Variants in FER observed in about 807,000 individuals in gnomAD.
FER encodes the protein tyrosine-protein kinase Fer.
Under a neutral mutation model 111.0 loss-of-function variants are expected in FER, and 63 were observed. That is an observed-to-expected ratio of 0.57 (90% CI 0.46 to 0.70). The LOEUF (loss-of-function observed/expected upper bound fraction) is 0.70. FER is among the 30% of genes least tolerant of loss of function. FER has a pLI of 0.00. For synonymous variants in FER, 327 were observed against 313.9 expected, an observed-to-expected ratio of 1.04 and a Z score of -0.44; for missense variants, 914 against 954.0, an observed-to-expected ratio of 0.96 and a Z score of 0.55.
At chr5:108,856,583 T>A (rs1285886558) in intron 5 of FER, among the ~76,000 whole-genome samples, 1 of 152,146 alleles carries the variant, frequency 6.6e-6, no homozygotes, top group Non-Finnish European at 1.5e-5. Flanking sequence ...GACTATTTGG[T>A]CAGCTTTCAT....
chr5:109,066,076 T>G (rs1243170908), intron 16 of FER, among the ~76,000 whole-genome samples: 1 of 152,204 alleles, frequency 6.6e-6, no homozygotes, highest in Non-Finnish European at 1.5e-5. Context: ...AGATTACATA[T>G]ATTAAATATT....
intron 17 of FER, among the ~76,000 whole-genome samples, chr5:109,129,663 G>A (rs970284065): frequency 6.6e-5 from 10 of 151,948 alleles, no homozygotes; most frequent in Admixed American, 1.3e-4. Flanking sequence ...CAAAGAACAC[G>A]AACAGTAAGT....
chr5:108,851,084 G>A (rs1762500335), intron 5 of FER, among the ~76,000 whole-genome samples: 1 of 152,070 alleles, frequency 6.6e-6, no homozygotes, highest in South Asian at 2.1e-4. Flanking sequence ...GATATTTTGG[G>A]CTCACCATTT....
intron 1 of FER, among the ~76,000 whole-genome samples, chr5:108,749,148 C>T (rs770712221): frequency 1.8e-4 from 27 of 152,038 alleles, no homozygotes; most frequent in Non-Finnish European, 2.8e-4. Flanking sequence ...GGGGCTGTGC[C>T]GAGGCTCTTC....
chr5:109,092,822 G>T (rs556421188), intron 16 of FER, among the ~76,000 whole-genome samples: 1 of 152,142 alleles, frequency 6.6e-6, no homozygotes, highest in Non-Finnish European at 1.5e-5. Flanking sequence ...GTTCATTTCG[G>T]TGTGATTCAC....
chr5:109,090,334 C>G (rs993567702), intron 16 of FER, among the ~76,000 whole-genome samples: 1 of 152,144 alleles, frequency 6.6e-6, no homozygotes, highest in Non-Finnish European at 1.5e-5. Context: ...AAATATCTAG[C>G]TGGACTAAAT....
rs534029826 is a variant in FER, at chr5:109,118,217, C to G, written c.2048+17698C>G. Among the ~76,000 whole-genome samples the G allele has an allele frequency of 4.7e-4, 72 of 152,092 alleles. 1 individual carries two copies. The highest frequency in any genetic ancestry group is 3.1e-3 in the East Asian group (16 of 5,164). On this transcript the variant is annotated intron_variant, in intron 17 of 19. Coordinates refer to ENST00000281092, the MANE Select transcript of FER (RefSeq NM_005246.4). ...TTCATTGAGAGTTTTTAGCATGAAG[C>G]GTTGTTGAATTTTGTCAAAGGCCTT... is the stretch of plus-strand genomic sequence containing the variant.
chr5:108,905,777 T>C (rs1750674614), intron 10 of FER, among the ~76,000 whole-genome samples: 1 of 152,196 alleles, frequency 6.6e-6, no homozygotes, highest in Non-Finnish European at 1.5e-5. Context: ...TAAATGTTTA[T>C]AGATGAAATG....
intron 17 of FER, among the ~76,000 whole-genome samples, chr5:109,163,681 G>C (rs910320512): frequency 1.3e-5 from 2 of 152,016 alleles, no homozygotes; most frequent in South Asian, 4.1e-4. Context: ...TCCTGCGCTC[G>C]ATCCTCCTGC....
At chr5:109,004,981 G>A (rs763565579) in intron 13 of FER, among the ~76,000 whole-genome samples, 1 of 151,750 alleles carries the variant, frequency 6.6e-6, no homozygotes, top group Admixed American at 6.6e-5. Context: ...CCAGGATTAA[G>A]GAACAAACTG....
At chr5:108,789,787 G>T (rs1465031447) in intron 2 of FER, among the ~76,000 whole-genome samples, 1 of 151,984 alleles carries the variant, frequency 6.6e-6, no homozygotes, top group Non-Finnish European at 1.5e-5. Flanking sequence ...ATTTTTAGTA[G>T]AGATGGGGTT....
chr5:109,115,919 CAG>C (rs1413455380), intron 17 of FER, among the ~76,000 whole-genome samples: 5 of 152,006 alleles, frequency 3.3e-5, no homozygotes, highest in African/African-American at 9.7e-5. Flanking sequence ...TTAGTTCTAA[CAG>C]AGAATTCTAT....
intron 13 of FER, among the ~76,000 whole-genome samples, chr5:109,018,935 A>G (rs573366281): frequency 1.8e-4 from 28 of 151,720 alleles, no homozygotes; most frequent in Admixed American, 9.2e-4. Flanking sequence ...GTTGAGCCAT[A>G]TGACTTTGAG....
intron 16 of FER, among the ~76,000 whole-genome samples, chr5:109,091,959 G>C (rs1446537887): frequency 6.6e-6 from 1 of 151,946 alleles, no homozygotes; most frequent in Admixed American, 6.6e-5. Flanking sequence ...AAAAAGGCTG[G>C]AAGGGACTAG....
intron 13 of FER, among the ~76,000 whole-genome samples, chr5:108,964,466 C>T (rs1404232248): frequency 1.3e-5 from 2 of 151,984 alleles, no homozygotes; most frequent in Admixed American, 6.6e-5. Context: ...ATTCGAAGAG[C>T]CGTAGAGGTG....
At chr5:109,137,173 A>G (rs1752985137) in intron 17 of FER, among the ~76,000 whole-genome samples, 1 of 152,222 alleles carries the variant, frequency 6.6e-6, no homozygotes, top group African/African-American at 2.4e-5. Flanking sequence ...TGAAGGAAAC[A>G]TCCAACCTAG....
At chr5:109,111,744 TTTA>T (rs1561908649) in intron 17 of FER, among the ~76,000 whole-genome samples, 2 of 151,920 alleles carry the variant, frequency 1.3e-5, no homozygotes, top group African/African-American at 2.4e-5. Context: ...GAGAGAGACT[TTTA>T]AACCATCAAA....
At chr5:109,016,392 C>T (rs1767126935) in intron 13 of FER, among the ~76,000 whole-genome samples, 1 of 152,006 alleles carries the variant, frequency 6.6e-6, no homozygotes, top group South Asian at 2.1e-4. Context: ...ATCAGCCACT[C>T]TGATTTGGAC....
At chr5:108,885,904 T>C (rs1747073344) in intron 9 of FER, among the ~76,000 whole-genome samples, 2 of 151,958 alleles carry the variant, frequency 1.3e-5, no homozygotes, top group African/African-American at 2.4e-5. Context: ...TTTATTTGAA[T>C]GGTAAAATAA....
Sources: gnomAD v4.1 joint callset for allele counts (sites outside exome capture counted in the v4.1 genomes callset) on GRCh38, gnomAD v4.1.1 for gene constraint, MANE v1.5 for transcripts, NCBI Gene and HGNC (gene_info 2026-07-23, HGNC 2026-07-21) for gene names.